Variants in SDK1 observed in about 807,000 individuals in gnomAD.
SDK1 encodes the protein sidekick cell adhesion molecule 1, also known as protein sidekick-1.
In SDK1, 157 loss-of-function variants were observed where a neutral mutation model predicts 245.5. That is an observed-to-expected ratio of 0.64 (90% CI 0.56 to 0.73). SDK1 has a LOEUF of 0.73. Among genes scored for constraint, SDK1 ranks in the 30% least tolerant of loss-of-function variants. SDK1 has a pLI of 0.00. For missense variants in SDK1, 3,583 were observed against 3,002.3 expected (o/e 1.19, Z -4.52); for synonymous variants, 1,647 against 1,278.5 (o/e 1.29, Z -6.15).
intron 1 of SDK1, among the ~76,000 whole-genome samples, chr7:3,391,955 G>C (rs1428038472): frequency 1.9e-5 from 2 of 104,374 alleles, no homozygotes; most frequent in Non-Finnish European, 3.7e-5. Flanking sequence ...TTAAAAGTAT[G>C]TATATCATGT....
intron 5 of SDK1, among the ~76,000 whole-genome samples, chr7:3,897,659 GTTC>G (rs923890015): frequency 5.9e-5 from 9 of 152,142 alleles, no homozygotes; most frequent in East Asian, 1.9e-4. Flanking sequence ...CATTTGCCAC[GTTC>G]TTCTTAATGT....
intron 5 of SDK1, among the ~76,000 whole-genome samples, chr7:3,884,554 G>A (rs61077766): frequency 6.6e-6 from 1 of 152,254 alleles, no homozygotes; most frequent in African/African-American, 2.4e-5. Flanking sequence ...AGGCACCTGG[G>A]TTAACTTTAT....
intron 5 of SDK1, among the ~76,000 whole-genome samples, chr7:3,937,328 C>G (rs1458811069): frequency 6.6e-6 from 1 of 152,158 alleles, no homozygotes; most frequent in Non-Finnish European, 1.5e-5. Context: ...GTCATGCGTT[C>G]CAGTGGGGGA....
chr7:4,149,262 AGCG>A lies in SDK1; in HGVS notation c.4427_4429del (p.Arg1476del). The stretch of plus-strand genomic sequence containing the variant: ...CTGGTCTGTCCTCATTTGGTTGCAG[AGCG>A]GCCGGCACCCCCCAGAGAGCTCCTG... On this transcript the variant is annotated inframe_deletion and splice_region_variant, in exon 30 of 45. Coordinates refer to ENST00000404826, the MANE Select transcript of SDK1 (RefSeq NM_152744.4). 1 of 1,513,742 alleles carries A rather than the reference AGCG, an allele frequency of 6.6e-7. No homozygotes were observed. The highest frequency in any genetic ancestry group is 8.8e-7 in the Non-Finnish European group (1 of 1,131,510). 93.8% of individuals were successfully genotyped at this position (1,513,742 alleles called of 1,614,324 possible). A position where few individuals can be genotyped will look rare whatever the true frequency, so the allele number is the denominator to read the frequency against.
chr7:3,628,678 C>G (rs897820718), intron 2 of SDK1, among the ~76,000 whole-genome samples: 2 of 152,212 alleles, frequency 1.3e-5, no homozygotes, highest in African/African-American at 4.8e-5. Context: ...TCCCTAAAAA[C>G]TGGCAACCTG....
intron 44 of SDK1, among the ~76,000 whole-genome samples, chr7:4,249,763 C>A (rs1787170037): frequency 6.6e-6 from 1 of 152,200 alleles, no homozygotes; most frequent in Admixed American, 6.5e-5. Flanking sequence ...GAAGGCACTC[C>A]ATATTCATGG....
intron 5 of SDK1, among the ~76,000 whole-genome samples, chr7:3,892,173 A>G (rs1781476677): frequency 6.6e-6 from 1 of 152,218 alleles, no homozygotes; most frequent in Non-Finnish European, 1.5e-5. Flanking sequence ...AGGTTTTTGT[A>G]ATGGCAGCCC....
At chr7:3,490,302 C>T (rs527696531) in intron 1 of SDK1, among the ~76,000 whole-genome samples, 5 of 152,166 alleles carry the variant, frequency 3.3e-5, no homozygotes, top group East Asian at 1.9e-4. Flanking sequence ...ACCAATTAGC[C>T]GAAGAGAAAT....
chr7:3,557,514 G>T (rs1779625510), intron 1 of SDK1, among the ~76,000 whole-genome samples: 1 of 152,132 alleles, frequency 6.6e-6, no homozygotes, highest in African/African-American at 2.4e-5. Context: ...ATGTGGTGAT[G>T]GACACAGGAA....
chr7:3,857,910 A>C (rs952299421), intron 5 of SDK1, among the ~76,000 whole-genome samples: 6 of 152,250 alleles, frequency 3.9e-5, no homozygotes, highest in Non-Finnish European at 8.8e-5. Flanking sequence ...GAAATAGTTA[A>C]GAATCTATAG....
chr7:3,732,859 G>A (rs1170362119), intron 4 of SDK1, among the ~76,000 whole-genome samples: 2 of 152,192 alleles, frequency 1.3e-5, no homozygotes, highest in Non-Finnish European at 2.9e-5. Context: ...ATCTTTCTGT[G>A]TTATTCTCCC....
chr7:3,876,977 T>C (rs1435916213), intron 5 of SDK1, among the ~76,000 whole-genome samples: 1 of 152,266 alleles, frequency 6.6e-6, no homozygotes, highest in African/African-American at 2.4e-5. Context: ...TATGCTAAGA[T>C]AAATACCTTC....
intron 22 of SDK1, among the ~76,000 whole-genome samples, chr7:4,098,312 A>G (rs1782297426): frequency 6.6e-6 from 1 of 152,336 alleles, no homozygotes; most frequent in Admixed American, 6.5e-5. Flanking sequence ...GTCAACGTAT[A>G]TATAAATCAC....
intron 5 of SDK1, among the ~76,000 whole-genome samples, chr7:3,837,836 G>A (rs908611736): frequency 6.6e-6 from 1 of 152,204 alleles, no homozygotes; most frequent in Non-Finnish European, 1.5e-5. Context: ...GAGCAGGACA[G>A]TTTTATAAAA....
intron 1 of SDK1, among the ~76,000 whole-genome samples, chr7:3,400,741 G>A (rs4358699): frequency 0.31 from 46,512 of 151,986 alleles, 10,619 homozygotes; most frequent in African/African-American, 0.64. Flanking sequence ...TTCTTATGGC[G>A]TAATTAAAAA....
At chr7:3,365,382 G>A (rs949443382) in intron 1 of SDK1, among the ~76,000 whole-genome samples, 5 of 152,146 alleles carry the variant, frequency 3.3e-5, no homozygotes, top group African/African-American at 1.2e-4. Context: ...GGGTACCATT[G>A]CAATAGGAGG....
intron 1 of SDK1, among the ~76,000 whole-genome samples, chr7:3,510,288 T>A (rs1310675041): frequency 6.6e-6 from 1 of 152,196 alleles, no homozygotes; most frequent in African/African-American, 2.4e-5. Flanking sequence ...AGGAAAGCAG[T>A]GTCTGAATAC....
At chr7:4,047,750 T>G (rs1034428653) in intron 17 of SDK1, among the ~76,000 whole-genome samples, 2 of 152,220 alleles carry the variant, frequency 1.3e-5, no homozygotes, top group African/African-American at 4.8e-5. Context: ...AGGCCCATCT[T>G]TCCTTGTGTT....
Position 3,951,752 on chromosome 7 carries a change from A to G in SDK1, c.982A>G (p.Thr328Ala). ...CAGGCCTGTGGAGGACCTGAGTGTG[A>G]CCTGGAAGAGGAATGGAGTGAGAAT... ...SARPVEDLSV[T>A]WKRNGVRITS... is the part of the protein sequence containing the mutation. Residue 328 changes from threonine to alanine, a missense_variant, in exon 7 of 45, where the codon ACC (threonine) becomes GCC (alanine). By Grantham distance (58) the Thr-to-Ala change is moderately conservative (BLOSUM62 0). Coordinates refer to ENST00000404826, the MANE Select transcript of SDK1 (RefSeq NM_152744.4). 1 of 1,613,566 alleles carries G rather than the reference A, an allele frequency of 6.2e-7. No individual in the cohort carries two copies. Among genetic ancestry groups the G allele is most frequent in the Non-Finnish European group, 8.5e-7 (1 of 1,179,998 alleles).
Sources: gnomAD v4.1 joint callset for allele counts (sites outside exome capture counted in the v4.1 genomes callset) on GRCh38, gnomAD v4.1.1 for gene constraint, MANE v1.5 for transcripts, NCBI Gene and HGNC (gene_info 2026-07-23, HGNC 2026-07-21) for gene names.